CCDC82: variants seen among roughly 807,000 people sequenced by gnomAD.
The protein encoded by CCDC82 is coiled-coil domain-containing protein 82.
CCDC82 carries 47 observed loss-of-function variants against 60.6 expected under a neutral mutation model. The ratio of observed to expected loss-of-function variants is 0.77; its 90% CI spans 0.61 to 0.99. The LOEUF (loss-of-function observed/expected upper bound fraction) is 0.99. Ranked by LOEUF, CCDC82 falls within the 50% of genes least tolerant of loss-of-function variation. The pLI is 0.00. For missense variants in CCDC82, 588 were observed against 633.0 expected (o/e 0.93, Z 0.76); for synonymous variants, 212 against 207.4 (o/e 1.02, Z -0.19).
At chr11:96,370,527 C>G (rs557962736) in intron 7 of CCDC82, among the ~76,000 whole-genome samples, 1 of 152,288 alleles carries the variant, frequency 6.6e-6, no homozygotes, top group African/African-American at 2.4e-5. Flanking sequence ...GGAAATCAAG[C>G]AGGTAACAGG....
Position 96,376,249 on chromosome 11 carries a change from T to A in CCDC82, c.992-2782A>T, listed in dbSNP as rs899823953. On this transcript the variant is annotated intron_variant, in intron 5 of 9. Transcript: ENST00000646818. Reference sequence around the variant, plus strand: ...AAACCATCTGCCCTTCCTACTGGTCTGGCTGTCATTCTTTAGAATTGTTTT... The same window carrying A: ...AAACCATCTGCCCTTCCTACTGGTCAGGCTGTCATTCTTTAGAATTGTTTT... 3.3e-5 allele frequency among the ~76,000 whole-genome samples: 5 copies of A among 152,192 alleles called. No individual in the cohort carries two copies. In the East Asian group the frequency reaches 9.6e-4, roughly 29 times the overall value.
At chr11:96,387,781 G>A (rs1450718941) in intron 1 of CCDC82, 168 bp from the exon 2 acceptor site, 1 of 152,114 alleles carries the variant, frequency 6.6e-6, no homozygotes, top group African/African-American at 2.4e-5. Flanking sequence ...TTTACTGCAC[G>A]AGTTAGGCCA....
At chr11:96,363,676 G>T (rs1018829460) in intron 8 of CCDC82, 1 of 152,034 alleles carries the variant, frequency 6.6e-6, no homozygotes, top group African/African-American at 2.4e-5. Context: ...TAAAAATCTA[G>T]TATTTTTAAA....
chr11:96,361,970 C>T (rs1864685226), intron 8 of CCDC82, among the ~76,000 whole-genome samples: 1 of 152,144 alleles, frequency 6.6e-6, no homozygotes, highest in Admixed American at 6.5e-5. Flanking sequence ...CACGGTTAAG[C>T]ACAGTTATCT....
chr11:96,364,211 G>C (rs1478712121), intron 8 of CCDC82: 1 of 151,878 alleles, frequency 6.6e-6, no homozygotes, highest in Non-Finnish European at 1.5e-5. Flanking sequence ...TTAAACAATG[G>C]GGAAATTTGC....
rs1289507699 is a variant in CCDC82, at chr11:96,384,744, T to G, written c.4A>C (p.Ile2Leu). 1 of 1,584,016 alleles carries G rather than the reference T, an allele frequency of 6.3e-7. No homozygotes were observed. Among genetic ancestry groups the G allele is most frequent in the Admixed American group, 1.9e-5 (1 of 53,276 alleles). Residue 2 changes from isoleucine to leucine, a missense_variant, in exon 4 of 10, where the codon ATA becomes CTA. By Grantham distance (5) the Ile-to-Leu change is conservative (BLOSUM62 2). Coordinates refer to ENST00000646818, the MANE Select transcript of CCDC82 (RefSeq NM_024725.4). M[I>L]HVRRHETRRN... ...CTTGTTTCATGTCTTCTAACATGTA[T>G]CATTTTCACTTAAGCTTCTATAAAA... is the stretch of plus-strand genomic sequence containing the variant.
rs1442423182 is a variant in CCDC82 at position 96,384,284 on chromosome 11, T to A, written c.464A>T (p.Gln155Leu). 5 of 1,613,754 alleles carry A rather than the reference T, an allele frequency of 3.1e-6. No homozygotes were observed. Among genetic ancestry groups the A allele is most frequent in the Non-Finnish European group, 4.2e-6 (5 of 1,179,866 alleles). ...TTGTTTGTTGAGATCATTATCCTCT[T>A]GACTTAAATGTTTTTCCTGATCATC... ...IEDDQEKHLS[Q>L]EDNDLNKQTG... Residue 155 changes from glutamine (Q) to leucine (L), a missense_variant, in exon 4 of 10, where the codon CAA (glutamine) becomes CTA (leucine). Physicochemically the swap from Gln to Leu is moderately radical, Grantham distance 113 (BLOSUM62 -2). Coordinates refer to ENST00000646818, the MANE Select transcript of CCDC82 (RefSeq NM_024725.4).
chr11:96,364,463 CAG>C (rs1005236412), intron 8 of CCDC82: 1 of 152,000 alleles, frequency 6.6e-6, no homozygotes, highest in African/African-American at 2.4e-5. Flanking sequence ...TGGGAGGATT[CAG>C]AGACAACTTT....
At chr11:96,364,918 G>C (rs1864862747) in intron 8 of CCDC82, 62 bp downstream of exon 8, 3 of 1,460,530 alleles carry the variant, frequency 2.1e-6, no homozygotes, top group East Asian at 5.0e-5. Context: ...AGGATACTTA[G>C]GATTATTTAT....
At chr11:96,380,626 C>G (rs1352396545) in intron 5 of CCDC82, 4 of 151,762 alleles carry the variant, frequency 2.6e-5, no homozygotes, top group Non-Finnish European at 5.9e-5. Flanking sequence ...AACTGTGGTA[C>G]ATCCATACAA....
intron 8 of CCDC82, 57 bp from the exon 9 acceptor site, chr11:96,359,235 T>G (rs1163850086): frequency 1.4e-5 from 20 of 1,393,922 alleles, no homozygotes; most frequent in Non-Finnish European, 1.7e-5. Context: ...TTTCTGGTTT[T>G]TGGATTTTCT....
At chr11:96,358,731 G>A in intron 9 of CCDC82, 1 of 1,038,484 alleles carries the variant, frequency 9.6e-7, no homozygotes, top group Non-Finnish European at 1.3e-6. Flanking sequence ...AAAAGCGAAA[G>A]GACAGAGGTC....
chr11:96,374,052 C>A lies in CCDC82; in HGVS notation c.992-585G>T, dbSNP rs1382466065. 2.6e-5 allele frequency among the ~76,000 whole-genome samples: 4 copies of A among 152,212 alleles called. No homozygotes were observed. The East Asian group carries it at 7.7e-4, about 29-fold the overall frequency. ...GCTAACCAAATCTCACACATGACAT[C>A]ATCTGTTGTGACAGGCCAGGCAGTG... On this transcript the variant is annotated intron_variant, in intron 5 of 9. Coordinates refer to ENST00000646818, the MANE Select transcript of CCDC82 (RefSeq NM_024725.4).
chr11:96,360,777 G>A (rs1220530864), intron 8 of CCDC82, among the ~76,000 whole-genome samples: 1 of 152,194 alleles, frequency 6.6e-6, no homozygotes, highest in Non-Finnish European at 1.5e-5. Flanking sequence ...AGTGATGATA[G>A]ACAAAGCAGG....
chr11:96,373,573 C>T (rs7936234), intron 5 of CCDC82, 106 bp from the exon 6 acceptor site: 1 of 626,498 alleles, frequency 1.6e-6, no homozygotes, highest in Non-Finnish European at 2.8e-6. Flanking sequence ...ATAGATAGCA[C>T]AAACAGCTTA....
Position 96,373,385 on chromosome 11 carries a change from T to C in CCDC82, c.1074A>G (p.Gly358=), listed in dbSNP as rs1013694888. Residue 358 remains glycine, a synonymous_variant, in exon 6 of 10, where the codon GGA becomes GGG. Coordinates refer to ENST00000646818, the MANE Select transcript of CCDC82 (RefSeq NM_024725.4). ...ATAGTATTAACTTACCATATAATGT[T>C]CCCAGAAAAGATTCATCTAAAGCGT... ...LINALDESFL[G]TLYDGTRQKS... is the part of the protein sequence containing the mutation. 3 of 1,597,220 alleles carry C rather than the reference T, an allele frequency of 1.9e-6. No homozygotes were observed. Among genetic ancestry groups the C allele is most frequent in the Non-Finnish European group, 2.6e-6 (3 of 1,167,178 alleles).
intron 7 of CCDC82, among the ~76,000 whole-genome samples, chr11:96,370,622 T>C (rs774292753): frequency 6.6e-6 from 1 of 152,148 alleles, no homozygotes; most frequent in Non-Finnish European, 1.5e-5. Context: ...TTTGAATATT[T>C]ATAACATAAA....
At chr11:96,363,643 A>AT (rs1345378153) in intron 8 of CCDC82, 1 of 152,192 alleles carries the variant, frequency 6.6e-6, no homozygotes, top group Non-Finnish European at 1.5e-5. Flanking sequence ...TTGAGTATGT[A>AT]TATAGCTTTG....
At chr11:96,386,020 T>G (rs1014914986) in intron 3 of CCDC82, 2 of 152,066 alleles carry the variant, frequency 1.3e-5, no homozygotes, top group Non-Finnish European at 2.9e-5. Context: ...CTATAAAAAA[T>G]CTAAAAATAT....
Sources: gnomAD v4.1 joint callset for allele counts (sites outside exome capture counted in the v4.1 genomes callset) on GRCh38, gnomAD v4.1.1 for gene constraint, MANE v1.5 for transcripts, NCBI Gene and HGNC (gene_info 2026-07-23, HGNC 2026-07-21) for gene names.